The following GRXCR2 variants were observed in gnomAD, a reference collection of about 807,000 sequenced individuals.
GRXCR2 encodes glutaredoxin and cysteine rich domain containing 2.
A neutral mutation model predicts 24.8 loss-of-function variants in GRXCR2; 23 were observed. The ratio of observed to expected loss-of-function variants is 0.93; its 90% CI spans 0.67 to 1.32. GRXCR2 has a LOEUF of 1.32. Among genes scored for constraint, GRXCR2 ranks in the 40% most tolerant of loss-of-function variants. GRXCR2 has a pLI of 0.00. For synonymous variants in GRXCR2, 130 were observed against 116.1 expected (o/e 1.12, Z -0.77); for missense variants, 315 against 303.4 (o/e 1.04, Z -0.28).
At chr5:145,926,951 G>T (rs1757407897) in intron 2 of GRXCR2, among the ~76,000 whole-genome samples, 1 of 152,132 alleles carries the variant, frequency 6.6e-6, no homozygotes, top group Admixed American at 6.6e-5. Flanking sequence ...CACATCCCTT[G>T]TAAGTTGGAT....
intron 2 of GRXCR2, among the ~76,000 whole-genome samples, chr5:145,884,601 T>A (rs984598307): frequency 6.6e-6 from 1 of 151,498 alleles, no homozygotes; most frequent in South Asian, 2.1e-4. Context: ...TAATAAGGTA[T>A]GCATATATGG....
chr5:145,919,537 T>G (rs889970573), intron 2 of GRXCR2, among the ~76,000 whole-genome samples: 1 of 152,140 alleles, frequency 6.6e-6, no homozygotes, highest in African/African-American at 2.4e-5. Flanking sequence ...GGTTTGCAGA[T>G]CCAGGTGGTA....
At chr5:145,920,017 C>T (rs370715509) in intron 2 of GRXCR2, among the ~76,000 whole-genome samples, 2 of 152,122 alleles carry the variant, frequency 1.3e-5, no homozygotes, top group Non-Finnish European at 2.9e-5. Context: ...CTTGGATGTG[C>T]GGCAGCGATG....
chr5:145,876,549 T>C (rs1405823786), upstream of GRXCR2, among the ~76,000 whole-genome samples: 2 of 152,140 alleles, frequency 1.3e-5, no homozygotes, highest in African/African-American at 2.4e-5. Flanking sequence ...CCTATCTTCA[T>C]CTAGAAAAAC....
chr5:145,864,145 T>C (rs1285241385), intron 2 of GRXCR2, among the ~76,000 whole-genome samples: 8 of 152,120 alleles, frequency 5.3e-5, no homozygotes, highest in African/African-American at 1.9e-4. Context: ...AAGATCCCTC[T>C]GAGGAAGTGA....
chr5:145,868,448 C>T (rs1326199697), intron 1 of GRXCR2, among the ~76,000 whole-genome samples: 1 of 152,180 alleles, frequency 6.6e-6, no homozygotes, highest in Non-Finnish European at 1.5e-5. Context: ...CCACAAGCTT[C>T]CTATCTGGCC....
intron 2 of GRXCR2, among the ~76,000 whole-genome samples, chr5:145,891,089 C>T (rs1756858314): frequency 1.3e-5 from 2 of 152,076 alleles, no homozygotes; most frequent in African/African-American, 2.4e-5. Flanking sequence ...TATACACACC[C>T]AACATTAGAG....
At chr5:145,914,492 A>G (rs1259397324) in intron 2 of GRXCR2, among the ~76,000 whole-genome samples, 1 of 151,940 alleles carries the variant, frequency 6.6e-6, no homozygotes. Flanking sequence ...CCTGACCAAC[A>G]TGGTGAAACT....
chr5:145,900,011 G>A (rs1027739504), intron 2 of GRXCR2, among the ~76,000 whole-genome samples: 2 of 152,188 alleles, frequency 1.3e-5, no homozygotes, highest in East Asian at 3.9e-4. Flanking sequence ...CTCTGCATCC[G>A]ACAAAGTTTT....
intron 2 of GRXCR2, among the ~76,000 whole-genome samples, 196 bp from the exon 3 acceptor site, chr5:145,860,111 C>T (rs1756310098): frequency 6.6e-6 from 1 of 152,196 alleles, no homozygotes; most frequent in Non-Finnish European, 1.5e-5. Context: ...CCCTGGTGGA[C>T]ACCTCTAAGA....
intron 2 of GRXCR2, among the ~76,000 whole-genome samples, chr5:145,909,772 C>T (rs1757139500): frequency 1.3e-5 from 2 of 152,218 alleles, no homozygotes; most frequent in Non-Finnish European, 2.9e-5. Context: ...CCTCATTTTA[C>T]TTCTCTTATA....
chr5:145,919,192 A>G (rs1757284438), intron 2 of GRXCR2, among the ~76,000 whole-genome samples: 1 of 152,278 alleles, frequency 6.6e-6, no homozygotes, highest in South Asian at 2.1e-4. Flanking sequence ...CACATAGACA[A>G]ATCAGGGAAA....
chr5:145,923,017 C>T (rs1757346869), intron 2 of GRXCR2, among the ~76,000 whole-genome samples: 1 of 151,756 alleles, frequency 6.6e-6, no homozygotes, highest in Non-Finnish European at 1.5e-5. Flanking sequence ...CCCTGGATCA[C>T]CACATCAGTG....
intron 2 of GRXCR2, among the ~76,000 whole-genome samples, chr5:145,902,517 C>T (rs1256049679): frequency 3.3e-5 from 5 of 152,136 alleles, no homozygotes; most frequent in African/African-American, 7.2e-5. Flanking sequence ...GATTGGGTTT[C>T]CCACTAAACA....
chr5:145,866,134 CAAAAAAA>C (rs71581841), intron 2 of GRXCR2, among the ~76,000 whole-genome samples: 1 of 85,832 alleles, frequency 1.2e-5, no homozygotes, highest in East Asian at 4.1e-4. Flanking sequence ...AACTCCTTCT[CAAAAAAA>C]AAAAAAAAAA....
chr5:145,858,080 G>A (rs1756267426), downstream of GRXCR2, among the ~76,000 whole-genome samples: 1 of 152,128 alleles, frequency 6.6e-6, no homozygotes, highest in Admixed American at 6.5e-5. Flanking sequence ...TTGGGAGGCC[G>A]AGATGGGCGG....
At chr5:145,870,985 C>A (rs887156364) in intron 1 of GRXCR2, among the ~76,000 whole-genome samples, 36 of 152,138 alleles carry the variant, frequency 2.4e-4, no homozygotes, top group African/African-American at 8.4e-4. Context: ...GCAGGAGGAT[C>A]CCTTGAGCCC....
At chr5:145,881,903 A>G (rs1756707862) in intron 2 of GRXCR2, among the ~76,000 whole-genome samples, 2 of 152,252 alleles carry the variant, frequency 1.3e-5, no homozygotes. Context: ...AAACTTGACA[A>G]AAACAAGAAG....
upstream of GRXCR2, among the ~76,000 whole-genome samples, chr5:145,876,053 G>A (rs1756608549): frequency 6.6e-6 from 1 of 151,634 alleles, no homozygotes; most frequent in Admixed American, 6.6e-5. Context: ...TGTAGTCCCA[G>A]CTACTCAGGA....
Sources: allele counts gnomAD v4.1 joint callset (sites outside exome capture counted in the v4.1 genomes callset), GRCh38; gene constraint gnomAD v4.1.1; transcripts MANE v1.5; gene names NCBI Gene and HGNC (gene_info 2026-07-23, HGNC 2026-07-21).